Variants in KIAA0825 observed in about 807,000 individuals in gnomAD.
KIAA0825 encodes uncharacterized protein KIAA0825.
A neutral mutation model predicts 147.6 loss-of-function variants in KIAA0825; 119 were observed. That is an observed-to-expected ratio of 0.81 (90% CI 0.69 to 0.94). KIAA0825 has a LOEUF of 0.94. KIAA0825 is among the 40% of genes least tolerant of loss of function. The probability of loss-of-function intolerance (pLI) is 0.00; values close to 1 mark genes in which losing one functional copy is unlikely to be tolerated. For missense variants in KIAA0825, 1,381 were observed against 1,472.7 expected (o/e 0.94, Z 1.02); for synonymous variants, 470 against 518.1 (o/e 0.91, Z 1.26).
chr5:94,313,135 T>A (rs1779329665), intron 20 of KIAA0825, among the ~76,000 whole-genome samples: 1 of 151,670 alleles, frequency 6.6e-6, no homozygotes, highest in South Asian at 2.1e-4. Context: ...GGAGTCTACT[T>A]TGAGACATCA....
intron 20 of KIAA0825, among the ~76,000 whole-genome samples, chr5:94,334,328 G>T (rs1781581312): frequency 6.6e-6 from 1 of 152,202 alleles, no homozygotes; most frequent in Non-Finnish European, 1.5e-5. Flanking sequence ...ATTTGTAGAT[G>T]ATATGATTGC....
At chr5:94,610,497 C>T (rs1788518156) in intron 1 of KIAA0825, among the ~76,000 whole-genome samples, 1 of 148,518 alleles carries the variant, frequency 6.7e-6, no homozygotes, top group Non-Finnish European at 1.5e-5. Context: ...GGCACGGTGG[C>T]TCACACCTGT....
At position 94,403,712 on chromosome 5, in the gene KIAA0825, T is replaced by C; in HGVS notation, c.2744A>G (p.Gln915Arg). The C allele has an allele frequency of 6.4e-7, 1 of 1,551,606 alleles. No individual in the cohort carries two copies. The highest frequency in any genetic ancestry group is 8.7e-7 in the Non-Finnish European group (1 of 1,146,906). The change falls in exon 16 of 21, where the codon CAG (glutamine) becomes CGG (arginine). Residue 915 changes from glutamine (Q) to arginine (R), a missense_variant. By Grantham distance (43) the Gln-to-Arg change is conservative (BLOSUM62 1). Coordinates refer to ENST00000682413, the MANE Select transcript of KIAA0825 (RefSeq NM_001145678.3). Reference protein sequence around the residue: ...ALTDAIKDTVQQIVSVMSSRR... With the variant: ...ALTDAIKDTVRQIVSVMSSRR... ...AGAACTCATTACAGATACTATCTGC[T>C]GTACAGTGTCCTTGATGGCATCGGT... is the stretch of plus-strand genomic sequence containing the variant.
chr5:94,264,453 T>TGCA (rs1205414628), intron 20 of KIAA0825, among the ~76,000 whole-genome samples: 3 of 152,216 alleles, frequency 2.0e-5, no homozygotes, highest in Non-Finnish European at 4.4e-5. Context: ...CGAAGTTAAC[T>TGCA]TTGTCAGACT....
chr5:94,440,077 A>G lies in KIAA0825; in HGVS notation c.2402T>C (p.Leu801Pro). 1 of 1,551,570 alleles carries G rather than the reference A, an allele frequency of 6.4e-7. No homozygotes were observed. Among genetic ancestry groups the G allele is most frequent in the Non-Finnish European group, 8.7e-7 (1 of 1,146,810 alleles). The change falls in exon 14 of 21, where the codon CTG becomes CCG. Residue 801 changes from leucine (L) to proline (P), a missense_variant. Physicochemically the swap from Leu to Pro is moderately conservative, Grantham distance 98. Transcript: ENST00000682413. ...GGLKAEGQLKLLLSQPRCNWN... is the reference protein window; with the variant it reads ...GGLKAEGQLKPLLSQPRCNWN... ...GTTACAACGTGGCTGGGATAAGAGC[A>G]GTTTCAACTGACCCTCGGCTTTCAG...
chr5:94,525,385 G>C (rs1041010428), intron 3 of KIAA0825, among the ~76,000 whole-genome samples: 1 of 151,832 alleles, frequency 6.6e-6, no homozygotes, highest in African/African-American at 2.4e-5. Context: ...GAGCATGAGT[G>C]AATTCAAAGT....
At chr5:94,527,990 A>T (rs1359692110) in intron 3 of KIAA0825, among the ~76,000 whole-genome samples, 1 of 152,058 alleles carries the variant, frequency 6.6e-6, no homozygotes, top group East Asian at 1.9e-4. Context: ...AAGAATAGTT[A>T]AAAAAAGTAA....
chr5:94,310,171 T>C (rs1483558125), intron 20 of KIAA0825, among the ~76,000 whole-genome samples: 1 of 151,686 alleles, frequency 6.6e-6, no homozygotes, highest in Admixed American at 6.6e-5. Flanking sequence ...CTTTGGAAAA[T>C]AGATAAAAGG....
At chr5:94,184,913 A>G (rs1769990181) in intron 20 of KIAA0825, among the ~76,000 whole-genome samples, 1 of 152,200 alleles carries the variant, frequency 6.6e-6, no homozygotes, top group African/African-American at 2.4e-5. Context: ...GTATCCAGTT[A>G]TCTATTGTAT....
chr5:94,182,141 C>A (rs1037222419), intron 20 of KIAA0825, among the ~76,000 whole-genome samples: 1 of 151,814 alleles, frequency 6.6e-6, no homozygotes, highest in Admixed American at 6.6e-5. Flanking sequence ...TTCAGCGCAC[C>A]CTATAGACAA....
chr5:94,280,879 G>C (rs953459436), intron 20 of KIAA0825, among the ~76,000 whole-genome samples: 6 of 152,050 alleles, frequency 3.9e-5, no homozygotes, highest in Non-Finnish European at 5.9e-5. Context: ...ATAACTCCAG[G>C]ACATGAGAAA....
At chr5:94,197,175 T>C (rs981815045) in intron 20 of KIAA0825, among the ~76,000 whole-genome samples, 3 of 152,238 alleles carry the variant, frequency 2.0e-5, no homozygotes, top group African/African-American at 7.2e-5. Flanking sequence ...TGGTGTGAGA[T>C]AGTATCTCAC....
intron 20 of KIAA0825, among the ~76,000 whole-genome samples, chr5:94,216,398 A>G (rs1389705295): frequency 6.6e-6 from 1 of 152,130 alleles, no homozygotes; most frequent in Non-Finnish European, 1.5e-5. Flanking sequence ...ACTTTGAGAG[A>G]AACATTGTTG....
At chr5:94,285,000 C>A (rs929309336) in intron 20 of KIAA0825, among the ~76,000 whole-genome samples, 10 of 152,082 alleles carry the variant, frequency 6.6e-5, no homozygotes, top group Admixed American at 6.6e-4. Context: ...CTTGGTGTTT[C>A]ATATTCAGGG....
intron 2 of KIAA0825, among the ~76,000 whole-genome samples, chr5:94,566,259 A>G (rs1051343816): frequency 1.3e-5 from 2 of 152,196 alleles, no homozygotes; most frequent in Admixed American, 1.3e-4. Flanking sequence ...AGAAAAGGGG[A>G]AACTGAACGT....
At chr5:94,308,764 T>A (rs1778908196) in intron 20 of KIAA0825, among the ~76,000 whole-genome samples, 1 of 151,782 alleles carries the variant, frequency 6.6e-6, no homozygotes, top group Admixed American at 6.6e-5. Flanking sequence ...TGCTCAATCT[T>A]AAGAGGTCTT....
intron 20 of KIAA0825, among the ~76,000 whole-genome samples, chr5:94,239,726 T>A (rs1427580886): frequency 6.6e-6 from 1 of 152,166 alleles, no homozygotes; most frequent in East Asian, 1.9e-4. Context: ...AACTGCTGAA[T>A]CAACAAAACA....
chr5:94,512,277 T>C (rs1246560259), intron 5 of KIAA0825, among the ~76,000 whole-genome samples: 1 of 152,038 alleles, frequency 6.6e-6, no homozygotes, highest in Non-Finnish European at 1.5e-5. Context: ...AGTTGGGTAC[T>C]AATAACTAGA....
intron 20 of KIAA0825, among the ~76,000 whole-genome samples, chr5:94,250,139 A>C (rs1310925247): frequency 6.6e-6 from 1 of 152,096 alleles, no homozygotes; most frequent in Non-Finnish European, 1.5e-5. Context: ...CCAATCCAAT[A>C]CATCAGAAAT....
Sources: allele counts gnomAD v4.1 joint callset (sites outside exome capture counted in the v4.1 genomes callset), GRCh38; gene constraint gnomAD v4.1.1; transcripts MANE v1.5; gene names NCBI Gene and HGNC (gene_info 2026-07-23, HGNC 2026-07-21).